Variants in ZNF664 observed in about 807,000 individuals in gnomAD.
ZNF664 encodes the protein zinc finger protein 664.
Under a neutral mutation model 18.2 loss-of-function variants are expected in ZNF664, and 10 were observed. That is an observed-to-expected ratio of 0.55 (90% CI 0.34 to 0.93). The LOEUF (loss-of-function observed/expected upper bound fraction) is 0.93, where lower values mean the gene tolerates loss of function less well. Among genes scored for constraint, ZNF664 ranks in the 40% least tolerant of loss-of-function variants. ZNF664 has a pLI of 0.02. For missense variants in ZNF664, 193 were observed against 319.0 expected (o/e 0.61, Z 3.01); for synonymous variants, 119 against 104.2 (o/e 1.14, Z -0.86).
At chr12:123,982,463 C>T (rs1321359661) in intron 2 of ZNF664, among the ~76,000 whole-genome samples, 1 of 152,156 alleles carries the variant, frequency 6.6e-6, no homozygotes, top group Non-Finnish European at 1.5e-5. Flanking sequence ...AATCTCTTCT[C>T]TCGCTTGGCA....
chr12:124,015,407 T>C lies in ZNF664; in HGVS notation c.*2477T>C, dbSNP rs2138480264. On this transcript the variant is annotated 3_prime_UTR_variant, in exon 5 of 5. Coordinates refer to ENST00000337815, the MANE Select transcript of ZNF664 (RefSeq NM_152437.3). ...CTACAGTATGTCCAAATCAATTTAA[T>C]AAAATCGCTTTATAACAGGGTTCTG... The C allele has an allele frequency of 6.1e-6, 1 of 164,612 alleles. No individual in the cohort carries two copies. Among genetic ancestry groups the C allele is most frequent in the Non-Finnish European group, 1.5e-5 (1 of 68,096 alleles). The allele number at this position is 164,612 out of a possible 1,614,324, so 10.2% of individuals were successfully genotyped here.
chr12:123,973,357 G>A lies in ZNF664; in HGVS notation c.-892+5G>A. 1 of 962,298 alleles carries A rather than the reference G, an allele frequency of 1.0e-6. No homozygotes were observed. The highest frequency in any genetic ancestry group is 1.2e-6 in the Non-Finnish European group (1 of 816,282). The allele number at this position is 962,298 out of a possible 1,614,324, so 59.6% of individuals were successfully genotyped here. A position where few individuals can be genotyped will look rare whatever the true frequency, so the allele number is the denominator to read the frequency against. On this transcript the variant is annotated splice_donor_5th_base_variant and intron_variant, in intron 1 of 4. Coordinates refer to ENST00000337815, the MANE Select transcript of ZNF664 (RefSeq NM_152437.3). ...CGCTGACTCCCCTCACTTGGAGTGA[G>A]TTCTCGGCGGCCGGGCTGCAGTCTT...
rs1159549228 is a variant in ZNF664, at chr12:124,013,264, A to G, written c.*334A>G. The G allele has an allele frequency of 9.4e-6, 3 of 318,880 alleles. No homozygotes were observed. The highest frequency in any genetic ancestry group is 6.5e-5 in the African/African-American group (3 of 46,108). The allele number at this position is 318,880 out of a possible 1,614,324, so 19.8% of individuals were successfully genotyped here. On this transcript the variant is annotated 3_prime_UTR_variant, in exon 5 of 5. Coordinates refer to ENST00000337815, the MANE Select transcript of ZNF664 (RefSeq NM_152437.3). ...GCCTCCTGAGTCACCTTCTATCTAT[A>G]CTTTGCTTAAAAGCTATCCCAGATA...
At chr12:123,975,715 C>T (rs1341720919) in intron 2 of ZNF664, among the ~76,000 whole-genome samples, 1 of 152,126 alleles carries the variant, frequency 6.6e-6, no homozygotes, top group Non-Finnish European at 1.5e-5. Flanking sequence ...TGTGCCCAGC[C>T]CCTAGTGGTT....
intron 3 of ZNF664, among the ~76,000 whole-genome samples, chr12:124,009,994 G>A (rs1161086494): frequency 1.3e-5 from 2 of 151,858 alleles, no homozygotes; most frequent in East Asian, 1.9e-4. Flanking sequence ...TACTCGACTC[G>A]GCTAGTTCCC....
At chr12:124,005,192 G>A (rs1399706119) in intron 3 of ZNF664, among the ~76,000 whole-genome samples, 1 of 152,072 alleles carries the variant, frequency 6.6e-6, no homozygotes, top group Non-Finnish European at 1.5e-5. Flanking sequence ...AAAACAAAAT[G>A]TACTCCTATG....
intron 2 of ZNF664, among the ~76,000 whole-genome samples, chr12:123,982,452 T>C (rs1463321176): frequency 6.6e-6 from 1 of 152,142 alleles, no homozygotes; most frequent in Non-Finnish European, 1.5e-5. Flanking sequence ...GCCCTCCCCC[T>C]AATCTCTTCT....
At chr12:124,008,760 A>G (rs1020174027) in intron 3 of ZNF664, among the ~76,000 whole-genome samples, 14 of 152,082 alleles carry the variant, frequency 9.2e-5, no homozygotes, top group African/African-American at 2.9e-4. Context: ...GTCTCACTCA[A>G]TTGCCTTTCT....
intron 2 of ZNF664, among the ~76,000 whole-genome samples, chr12:123,978,811 A>G (rs1956726246): frequency 6.6e-6 from 1 of 152,242 alleles, no homozygotes; most frequent in Non-Finnish European, 1.5e-5. Flanking sequence ...AAGAATAGAC[A>G]GATTGACGCC....
At chr12:123,973,384 C>T in intron 1 of ZNF664, 32 bp downstream of exon 1, 6 of 970,964 alleles carry the variant, frequency 6.2e-6, no homozygotes, top group Non-Finnish European at 6.1e-6. Flanking sequence ...TGCAGTCTTT[C>T]TTTCTTTCCC....
chr12:124,004,584 G>A (rs1957048845), intron 3 of ZNF664, among the ~76,000 whole-genome samples: 1 of 152,170 alleles, frequency 6.6e-6, no homozygotes, highest in Admixed American at 6.5e-5. Context: ...TAAGCCAGGG[G>A]TCCCCAACCT....
chr12:123,978,847 G>A (rs1010145210), intron 2 of ZNF664, among the ~76,000 whole-genome samples: 2 of 152,138 alleles, frequency 1.3e-5, no homozygotes, highest in Admixed American at 6.5e-5. Flanking sequence ...TCCAGTAACA[G>A]ACCCATTTTT....
intron 3 of ZNF664, among the ~76,000 whole-genome samples, chr12:123,999,054 TTA>T: frequency 6.6e-6 from 1 of 152,344 alleles, no homozygotes; most frequent in African/African-American, 2.4e-5. Context: ...CCTTTATATG[TTA>T]TGATTACTGG....
chr12:124,000,994 A>G (rs968052025), intron 3 of ZNF664, among the ~76,000 whole-genome samples: 1 of 152,230 alleles, frequency 6.6e-6, no homozygotes, highest in Admixed American at 6.5e-5. Flanking sequence ...ACTTTTGGAT[A>G]TCATGAGCAT....
chr12:123,999,234 C>T (rs980293470), intron 3 of ZNF664, among the ~76,000 whole-genome samples: 5 of 152,094 alleles, frequency 3.3e-5, no homozygotes, highest in South Asian at 4.1e-4. Flanking sequence ...GATTGGAGGC[C>T]GACATGTCAT....
In ZNF664 at chr12:124,012,534, T is replaced by G. The variant is rs1957145328; in HGVS notation, c.390T>G (p.Leu130=). The part of the protein sequence containing the change: ...CGRGFSNSSN[L]CMHQRVHTGE... ...GGGGCTTTAGTAATAGTTCAAACCT[T>G]TGCATGCATCAGAGAGTCCACACCG... The change falls in exon 5 of 5, where the codon CTT becomes CTG. Residue 130 remains leucine (L), a synonymous_variant. Transcript: ENST00000337815. The G allele has an allele frequency of 6.2e-7, 1 of 1,614,064 alleles. No homozygotes were observed. Among genetic ancestry groups the G allele is most frequent in the Admixed American group, 1.7e-5 (1 of 60,012 alleles).
rs2138292075 is a variant in ZNF664 at position 123,973,956 on chromosome 12, C to CA, written c.-820dup. On this transcript the variant is annotated 5_prime_UTR_variant, in exon 2 of 5. The change abolishes the stop of an existing upstream ORF in the 5' untranslated region. Transcript: ENST00000337815. ...TGAGGAACCCCTCGCGCACCCAGCGCAGAAGGCTGCTGCCGCCGGACGCCT... is the reference window on the plus strand; with the variant it reads ...TGAGGAACCCCTCGCGCACCCAGCGCAAGAAGGCTGCTGCCGCCGGACGCCT... 1.6e-6 allele frequency: 2 copies of CA among 1,231,942 alleles called. No individual in the cohort carries two copies. The highest frequency in any genetic ancestry group is 6.3e-5 in the East Asian group (2 of 31,710). 76.3% of individuals were successfully genotyped at this position (1,231,942 alleles called of 1,614,324 possible).
Position 123,987,964 on chromosome 12 carries a change from G to C in ZNF664, c.-756-79G>C, listed in dbSNP as rs948759368. 4 of 1,229,154 alleles carry C rather than the reference G, an allele frequency of 3.3e-6. No individual in the cohort carries two copies. The African/African-American group carries it at 6.2e-5, about 19-fold the overall frequency. 76.1% of individuals were successfully genotyped at this position (1,229,154 alleles called of 1,614,324 possible). On this transcript the variant is annotated intron_variant, in intron 2 of 4. Transcript: ENST00000337815. ...GAGCTGGGACCCCACGTTTATAGTAGCTAGTTCATGAAAACATTTTGTGAT... is the reference window on the plus strand; with the variant it reads ...GAGCTGGGACCCCACGTTTATAGTACCTAGTTCATGAAAACATTTTGTGAT...
In ZNF664 at chr12:123,973,976, A is replaced by T. The variant is rs924082103; in HGVS notation, c.-801A>T. On this transcript the variant is annotated 5_prime_UTR_variant, in exon 2 of 5. Transcript: ENST00000337815. ...CAGCGCAGAAGGCTGCTGCCGCCGG[A>T]CGCCTCCATTGTTTGACCACAACAA... 8.4e-5 allele frequency: 103 copies of T among 1,231,764 alleles called. No homozygotes were observed. Among genetic ancestry groups the T allele is most frequent in the Non-Finnish European group, 9.6e-5 (95 of 988,092 alleles). 76.3% of individuals were successfully genotyped at this position (1,231,764 alleles called of 1,614,324 possible). A position where few individuals can be genotyped will look rare whatever the true frequency, so the allele number is the denominator to read the frequency against.
Sources: allele counts gnomAD v4.1 joint callset (sites outside exome capture counted in the v4.1 genomes callset), GRCh38; gene constraint gnomAD v4.1.1; transcripts MANE v1.5; gene names NCBI Gene and HGNC (gene_info 2026-07-23, HGNC 2026-07-21).